LINGO2: variants seen among roughly 807,000 people sequenced by gnomAD.
LINGO2 encodes leucine-rich repeat and immunoglobulin-like domain-containing nogo receptor-interacting protein 2.
LINGO2 carries 14 observed loss-of-function variants against 30.6 expected under a neutral mutation model. The ratio of observed to expected loss-of-function variants is 0.46; its 90% CI spans 0.30 to 0.72. LINGO2 has a LOEUF of 0.72. Among genes scored for constraint, LINGO2 ranks in the 30% least tolerant of loss-of-function variants. The pLI, the probability that LINGO2 is intolerant of heterozygous loss-of-function variation, is 0.07. For missense variants in LINGO2, 729 were observed against 751.7 expected (o/e 0.97, Z 0.35); for synonymous variants, 317 against 288.5 (o/e 1.10, Z -1.00).
At chr9:28,179,405 T>A (rs1365450590) in intron 4 of LINGO2, among the ~76,000 whole-genome samples, 5 of 139,628 alleles carry the variant, frequency 3.6e-5, no homozygotes, top group Admixed American at 7.5e-5. Flanking sequence ...TACTATAGTA[T>A]ATAGTATACT....
the LINGO2 span, among the ~76,000 whole-genome samples, chr9:28,714,256 A>C: frequency 6.6e-6 from 1 of 150,616 alleles, no homozygotes; most frequent in African/African-American, 2.4e-5. Flanking sequence ...ACAGTCATTA[A>C]CATCTTCTAC....
At chr9:28,169,714 A>G (rs963342288) in intron 4 of LINGO2, among the ~76,000 whole-genome samples, 3 of 152,212 alleles carry the variant, frequency 2.0e-5, no homozygotes, top group Admixed American at 6.5e-5. Context: ...GAAAACATAC[A>G]GCATGGGAGC....
the LINGO2 span, among the ~76,000 whole-genome samples, chr9:28,906,450 A>G: frequency 6.6e-6 from 1 of 151,944 alleles, no homozygotes; most frequent in Non-Finnish European, 1.5e-5. Context: ...TAATTTTAAA[A>G]GGAAAATAGA....
At chr9:28,876,828 T>C in the LINGO2 span, among the ~76,000 whole-genome samples, 1 of 152,140 alleles carries the variant, frequency 6.6e-6, no homozygotes, top group Non-Finnish European at 1.5e-5. Flanking sequence ...ATCGCCACAC[T>C]GACTTCCACA....
the LINGO2 span, among the ~76,000 whole-genome samples, chr9:29,139,141 A>G: frequency 6.6e-5 from 10 of 152,146 alleles, no homozygotes; most frequent in Admixed American, 3.9e-4. Context: ...ACATCAAGAA[A>G]GAGACTTGGA....
At chr9:28,309,690 G>A (rs1046826822) in intron 3 of LINGO2, among the ~76,000 whole-genome samples, 1 of 151,472 alleles carries the variant, frequency 6.6e-6, no homozygotes, top group Non-Finnish European at 1.5e-5. Context: ...AATTTAAAAC[G>A]TTTTTGCATT....
At chr9:28,647,862 T>G (rs1827908114) in intron 1 of LINGO2, among the ~76,000 whole-genome samples, 1 of 151,562 alleles carries the variant, frequency 6.6e-6, no homozygotes, top group Admixed American at 6.6e-5. Context: ...TGACAATAAT[T>G]CTGTATGATG....
the LINGO2 span, among the ~76,000 whole-genome samples, chr9:28,871,593 C>A: frequency 8.6e-5 from 13 of 151,986 alleles, no homozygotes; most frequent in South Asian, 2.7e-3. Context: ...CTTAGGAACA[C>A]TGTCAGCTAT....
intron 4 of LINGO2, among the ~76,000 whole-genome samples, chr9:28,197,600 C>T (rs186915915): frequency 1.3e-5 from 2 of 151,786 alleles, no homozygotes; most frequent in African/African-American, 4.8e-5. Context: ...CAAATAAAAG[C>T]AGTAAAAAGT....
At chr9:28,620,141 C>T (rs1826326337) in intron 1 of LINGO2, among the ~76,000 whole-genome samples, 1 of 152,060 alleles carries the variant, frequency 6.6e-6, no homozygotes, top group Non-Finnish European at 1.5e-5. Flanking sequence ...TTTTCAACAG[C>T]CCTAAGTGCT....
chr9:28,285,649 C>T lies in LINGO2; in HGVS notation c.-87+9559G>A, dbSNP rs570672356. 1.0e-3 allele frequency among the ~76,000 whole-genome samples: 158 copies of T among 152,128 alleles called. 1 individual carries two copies. Among genetic ancestry groups the T allele is most frequent in the Middle Eastern group, 6.8e-3 (2 of 294 alleles). On this transcript the variant is annotated intron_variant, in intron 4 of 5. Transcript: ENST00000379992. ...CTCGATCTCCTGACCTCGTGATCTG[C>T]CTGCCTCGGCCTCCCAAAGTGCTGG... is the stretch of plus-strand genomic sequence containing the variant.
chr9:28,395,311 C>T (rs903182552), intron 2 of LINGO2, among the ~76,000 whole-genome samples: 2 of 152,136 alleles, frequency 1.3e-5, no homozygotes, highest in Admixed American at 1.3e-4. Context: ...TGAATAGCTT[C>T]ATCAATTAAA....
chr9:29,212,237 C>T, the LINGO2 span, among the ~76,000 whole-genome samples: 9 of 151,970 alleles, frequency 5.9e-5, no homozygotes, highest in Non-Finnish European at 1.0e-4. Context: ...GACTGCCGCT[C>T]ACGTCCCCCG....
chr9:28,758,309 CA>C, the LINGO2 span, among the ~76,000 whole-genome samples: 4 of 151,972 alleles, frequency 2.6e-5, no homozygotes, highest in Non-Finnish European at 4.4e-5. Context: ...TTTCTTAAGC[CA>C]CATTTCATTG....
chr9:28,615,979 G>A (rs1826115885), intron 1 of LINGO2, among the ~76,000 whole-genome samples: 1 of 152,096 alleles, frequency 6.6e-6, no homozygotes, highest in Non-Finnish European at 1.5e-5. Context: ...AAGTTGTCAG[G>A]AGTCAAAATA....
chr9:27,986,772 G>A (rs1387375451), intron 5 of LINGO2, among the ~76,000 whole-genome samples: 1 of 151,778 alleles, frequency 6.6e-6, no homozygotes, highest in Non-Finnish European at 1.5e-5. Context: ...AATCAACATG[G>A]TAACGGTCAT....
chr9:28,123,062 G>T (rs892784883), intron 4 of LINGO2, among the ~76,000 whole-genome samples: 2 of 152,044 alleles, frequency 1.3e-5, no homozygotes, highest in Non-Finnish European at 2.9e-5. Flanking sequence ...TAAGTTATGT[G>T]TCAACATTTT....
the LINGO2 span, among the ~76,000 whole-genome samples, chr9:28,953,004 C>T: frequency 6.6e-6 from 1 of 152,102 alleles, no homozygotes; most frequent in Admixed American, 6.6e-5. Context: ...TAGAATAACT[C>T]TCCAAATGTT....
At chr9:27,987,336 T>C (rs1930009) in intron 5 of LINGO2, among the ~76,000 whole-genome samples, 150,475 of 151,694 alleles carry the variant, frequency 0.99, 74,640 homozygotes, top group Middle Eastern at 1. Context: ...CCTCCTTTCC[T>C]GAGACAGGTT....
Sources: allele counts gnomAD v4.1 joint callset (sites outside exome capture counted in the v4.1 genomes callset), GRCh38; gene constraint gnomAD v4.1.1; transcripts MANE v1.5; gene names NCBI Gene and HGNC (gene_info 2026-07-23, HGNC 2026-07-21).